Variants in DNAH5 observed in about 807,000 individuals in gnomAD.
DNAH5 encodes the protein axonemal beta dynein heavy chain 5.
Under a neutral mutation model 518.2 loss-of-function variants are expected in DNAH5, and 372 were observed. The observed-to-expected ratio is 0.72, with a 90% CI of 0.66 to 0.78. The LOEUF (loss-of-function observed/expected upper bound fraction) is 0.78, where lower values mean the gene tolerates loss of function less well. Among genes scored for constraint, DNAH5 ranks in the 30% least tolerant of loss-of-function variants. The pLI, the probability that DNAH5 is intolerant of heterozygous loss-of-function variation, is 0.00. For synonymous variants in DNAH5, 2,039 were observed against 2,025.9 expected (o/e 1.01, Z -0.17); for missense variants, 5,523 against 5,687.0 (o/e 0.97, Z 0.93).
Position 13,876,821 on chromosome 5 carries a change from A to G in DNAH5, c.3263-4T>C. ...ACAGATGCTATCTCCAAGGTATCTA[A>G]AAAGAAAAAAAGAAGAGAAAACTTT... On this transcript the variant is annotated splice_region_variant and splice_polypyrimidine_tract_variant and intron_variant, in intron 21 of 78. Transcript: ENST00000265104. 3.1e-6 allele frequency: 5 copies of G among 1,613,018 alleles called. No individual in the cohort carries two copies. Among genetic ancestry groups the G allele is most frequent in the Non-Finnish European group, 4.2e-6 (5 of 1,179,484 alleles).
At chr5:13,849,661 T>C (rs1580571515) in intron 31 of DNAH5, among the ~76,000 whole-genome samples, 3 of 152,248 alleles carry the variant, frequency 2.0e-5, no homozygotes, top group Admixed American at 6.5e-5. Flanking sequence ...TAGCCCTTTT[T>C]GTCCTTTGAC....
chr5:14,000,882 T>C (rs1033826231), intron 1 of DNAH5, among the ~76,000 whole-genome samples: 1 of 152,112 alleles, frequency 6.6e-6, no homozygotes, highest in African/African-American at 2.4e-5. Context: ...AGCAAAGACA[T>C]GGAATCAACC....
intron 47 of DNAH5, among the ~76,000 whole-genome samples, chr5:13,797,366 C>A (rs1318271878): frequency 6.6e-6 from 1 of 152,076 alleles, no homozygotes; most frequent in Non-Finnish European, 1.5e-5. Context: ...AAAAAACAAA[C>A]AAACAACCCC....
chr5:13,955,318 C>G (rs1406992212), intron 1 of DNAH5, among the ~76,000 whole-genome samples: 1 of 152,124 alleles, frequency 6.6e-6, no homozygotes, highest in African/African-American at 2.4e-5. Context: ...CCTGTTAAGC[C>G]TGTGGAAACA....
At chr5:13,765,925 C>A in intron 59 of DNAH5, 51 bp downstream of exon 59, 1 of 1,540,440 alleles carries the variant, frequency 6.5e-7, no homozygotes, top group Non-Finnish European at 9.0e-7. Context: ...AGGACTCATA[C>A]ACCAGTGAAG....
At position 13,923,418 on chromosome 5, in the gene DNAH5, C is replaced by G. The variant is rs543407739; in HGVS notation, c.300G>C (p.Gly100=). ...AETGQLGSLG[G]VNLVSGKIKK... ...TAATCTTTCCAGAAACAAGATTTACCCCTCCTAGAGAGCCAAGTTGTCCTA... is the reference window on the plus strand; with the variant it reads ...TAATCTTTCCAGAAACAAGATTTACGCCTCCTAGAGAGCCAAGTTGTCCTA... The change falls in exon 4 of 79, where the codon GGG becomes GGC. Residue 100 remains glycine, a synonymous_variant. Transcript: ENST00000265104. 1.9e-4 allele frequency: 309 copies of G among 1,614,062 alleles called. 2 individuals carry two copies. In the South Asian group the frequency reaches 3.1e-3, roughly 16 times the overall value.
At position 13,839,421 on chromosome 5, in the gene DNAH5, C is replaced by T. The variant is rs556936569; in HGVS notation, c.5817G>A (p.Ala1939=). The stretch of plus-strand genomic sequence containing the variant: ...CTAAAAATTCATTCTGGTATATGAA[C>T]GCCACATCTGTGATGTGAATCATCA... ...DKMMIHITDV[A]FIYQNEFLGC... Residue 1939 remains alanine (A), a synonymous_variant, in exon 35 of 79, where the codon GCG becomes GCA. Transcript: ENST00000265104. The T allele has an allele frequency of 1.8e-5, 29 of 1,613,648 alleles. No homozygotes were observed. Among genetic ancestry groups the T allele is most frequent in the African/African-American group, 2.7e-5 (2 of 75,012 alleles).
intron 7 of DNAH5, among the ~76,000 whole-genome samples, chr5:13,918,321 C>T (rs573793872): frequency 1.3e-5 from 2 of 152,260 alleles, no homozygotes; most frequent in East Asian, 3.9e-4. Context: ...GATGAGTAAA[C>T]TCAGAAGCAG....
At chr5:13,817,175 T>C (rs1254788179) in intron 42 of DNAH5, among the ~76,000 whole-genome samples, 3 of 152,238 alleles carry the variant, frequency 2.0e-5, no homozygotes, top group African/African-American at 7.2e-5. Flanking sequence ...AGAAATCAAT[T>C]CTTTAAAAAT....
At chr5:13,859,710 AC>A in intron 29 of DNAH5, 105 bp from the exon 30 acceptor site, 1 of 1,079,390 alleles carries the variant, frequency 9.3e-7, no homozygotes, top group Non-Finnish European at 1.4e-6. Context: ...TTTCTTTACA[AC>A]CTTAATTATG....
chr5:13,705,678 C>T (rs547240164), intron 76 of DNAH5, among the ~76,000 whole-genome samples: 1 of 152,264 alleles, frequency 6.6e-6, no homozygotes, highest in South Asian at 2.1e-4. Context: ...TATGCGGGAA[C>T]AGGGTCTTTA....
chr5:13,989,747 T>A (rs760491871), intron 1 of DNAH5, among the ~76,000 whole-genome samples: 3 of 152,170 alleles, frequency 2.0e-5, no homozygotes, highest in Non-Finnish European at 2.9e-5. Context: ...CCTCCCAAAG[T>A]GCTCGGATTA....
chr5:13,695,391 G>GC (rs1741232382), intron 78 of DNAH5, among the ~76,000 whole-genome samples: 1 of 152,170 alleles, frequency 6.6e-6, no homozygotes, highest in Admixed American at 6.5e-5. Flanking sequence ...GTCTACCTTA[G>GC]CAGGTACCTG....
intron 1 of DNAH5, among the ~76,000 whole-genome samples, chr5:13,956,217 A>G (rs1780752900): frequency 1.3e-5 from 2 of 152,318 alleles, no homozygotes; most frequent in African/African-American, 4.8e-5. Context: ...CATTCCTTGA[A>G]TCTAATCATT....
intron 75 of DNAH5, among the ~76,000 whole-genome samples, 154 bp from the exon 76 acceptor site, chr5:13,708,489 A>G (rs1333120575): frequency 6.6e-6 from 1 of 150,496 alleles, no homozygotes; most frequent in Non-Finnish European, 1.5e-5. Context: ...AAAAAAAAAG[A>G]AAAGAAAACA....
intron 53 of DNAH5, among the ~76,000 whole-genome samples, chr5:13,777,583 A>ACCT (rs1754300375): frequency 6.6e-6 from 1 of 152,236 alleles, no homozygotes. Flanking sequence ...TGAAAAGTCA[A>ACCT]CCTGGAACAA....
At position 13,735,142 on chromosome 5, in the gene DNAH5, G is replaced by A. The variant is rs781283096; in HGVS notation, c.11750C>T (p.Thr3917Ile). The change falls in exon 68 of 79, where the codon ACT becomes ATT. Residue 3917 changes from threonine to isoleucine, a missense_variant. This residue lies in a region of DNAH5 where 5,121 missense variants were observed against 5,223.3 expected (regional missense o/e 0.98). Transcript: ENST00000265104. Reference sequence around the variant, plus strand: ...ATTCTTATATTGACCTTTAATAAGAGTGAGAAACTCTTCATGCTTGACTCG... The same window carrying A: ...ATTCTTATATTGACCTTTAATAAGAATGAGAAACTCTTCATGCTTGACTCG... ...RNRVKHEEFL[T>I]LIKGGASLDL... 1 of 1,613,994 alleles carries A rather than the reference G, an allele frequency of 6.2e-7. No individual in the cohort carries two copies. The highest frequency in any genetic ancestry group is 1.1e-5 in the South Asian group (1 of 91,080).
At chr5:13,864,360 A>G (rs774853454) in intron 28 of DNAH5, 37 bp downstream of exon 28, 41 of 1,611,884 alleles carry the variant, frequency 2.5e-5, no homozygotes, top group Non-Finnish European at 3.4e-5. Flanking sequence ...AATAAATCCC[A>G]TGAGACCTTG....
At chr5:13,903,191 C>A (rs1435932250) in intron 12 of DNAH5, among the ~76,000 whole-genome samples, 1 of 152,000 alleles carries the variant, frequency 6.6e-6, no homozygotes, top group Non-Finnish European at 1.5e-5. Context: ...TAAAGGGGAA[C>A]ATAATTACAA....
Sources: gnomAD v4.1 joint callset for allele counts (sites outside exome capture counted in the v4.1 genomes callset) on GRCh38, gnomAD v4.1.1 for gene constraint, gnomAD v4.1.1 regional missense constraint, MANE v1.5 for transcripts, NCBI Gene and HGNC (gene_info 2026-07-23, HGNC 2026-07-21) for gene names.